NRXN1: variants seen among roughly 807,000 people sequenced by gnomAD.
NRXN1 encodes neurexin 1, also known as neurexin-1.
A neutral mutation model predicts 150.9 loss-of-function variants in NRXN1; 39 were observed. The observed-to-expected ratio is 0.26, with a 90% CI of 0.20 to 0.34. The LOEUF (loss-of-function observed/expected upper bound fraction) is 0.34. Ranked by LOEUF, NRXN1 falls within the 10% of genes least tolerant of loss-of-function variation. NRXN1 has a pLI of 1.00. For synonymous variants in NRXN1, 924 were observed against 757.0 expected, an observed-to-expected ratio of 1.22 and a Z score of -3.62; for missense variants, 1,815 against 1,949.9, an observed-to-expected ratio of 0.93 and a Z score of 1.30.
At chr2:50,219,522 A>G (rs2063649299) in intron 18 of NRXN1, among the ~76,000 whole-genome samples, 1 of 151,964 alleles carries the variant, frequency 6.6e-6, no homozygotes, top group African/African-American at 2.4e-5. Flanking sequence ...TGAGGTACTT[A>G]CATTTTTAGT....
chr2:50,382,189 C>G (rs754367901), intron 17 of NRXN1, among the ~76,000 whole-genome samples: 1 of 152,156 alleles, frequency 6.6e-6, no homozygotes, highest in Non-Finnish European at 1.5e-5. Context: ...ATCCTTATCA[C>G]TAGCATACAA....
chr2:50,197,207 T>G (rs1296234930), intron 18 of NRXN1, among the ~76,000 whole-genome samples: 1 of 152,170 alleles, frequency 6.6e-6, no homozygotes, highest in African/African-American at 2.4e-5. Context: ...TTGTTTTTTT[T>G]TAGATGCATA....
At chr2:50,819,627 T>C (rs1669429777) in intron 5 of NRXN1, among the ~76,000 whole-genome samples, 1 of 152,070 alleles carries the variant, frequency 6.6e-6, no homozygotes, top group African/African-American at 2.4e-5. Context: ...GTTCATATTA[T>C]TAACAATAGA....
intron 17 of NRXN1, among the ~76,000 whole-genome samples, chr2:50,407,945 A>C (rs1479439085): frequency 6.6e-6 from 1 of 152,148 alleles, no homozygotes; most frequent in African/African-American, 2.4e-5. Context: ...CTTCTCACTC[A>C]TACTATTTTA....
chr2:49,940,009 A>T (rs138316189), intron 22 of NRXN1, among the ~76,000 whole-genome samples: 1 of 152,264 alleles, frequency 6.6e-6, no homozygotes. Flanking sequence ...ACTCAAGATG[A>T]TGCTAGATTT....
In NRXN1 at chr2:50,531,239, T is replaced by A; in HGVS notation, c.2335A>T (p.Thr779Ser). ...LELDAGRVKLTVNLDCIRINC... is the reference protein window; with the variant it reads ...LELDAGRVKLSVNLDCIRINC... Reference sequence around the variant, plus strand: ...GGCAGGTTGTTACCTAGATTGACCGTCAGTTTCACACGTCCTGCGTCTAGC... The same window carrying A: ...GGCAGGTTGTTACCTAGATTGACCGACAGTTTCACACGTCCTGCGTCTAGC... The change falls in exon 11 of 23, where the codon ACG becomes TCG. Residue 779 changes from threonine (T) to serine (S), a missense_variant. By Grantham distance (58) the Thr-to-Ser change is moderately conservative. This residue lies in a region of NRXN1 where 638 missense variants were observed against 652.6 expected (regional missense o/e 0.98). Coordinates refer to ENST00000401669, the MANE Select transcript of NRXN1 (RefSeq NM_001330078.2). 6.2e-7 allele frequency: 1 copy of A among 1,612,860 alleles called. No homozygotes were observed. The highest frequency in any genetic ancestry group is 8.5e-7 in the Non-Finnish European group (1 of 1,179,468).
At chr2:50,471,350 T>C (rs1010685049) in intron 16 of NRXN1, among the ~76,000 whole-genome samples, 8 of 151,834 alleles carry the variant, frequency 5.3e-5, no homozygotes, top group Non-Finnish European at 1.0e-4. Context: ...GTGAGTAACA[T>C]GAAGCATTTG....
chr2:50,709,149 C>A (rs997719204), intron 5 of NRXN1, among the ~76,000 whole-genome samples: 1 of 152,114 alleles, frequency 6.6e-6, no homozygotes, highest in Non-Finnish European at 1.5e-5. Flanking sequence ...CAGGCAACCA[C>A]ATGAGCTTAC....
intron 8 of NRXN1, among the ~76,000 whole-genome samples, chr2:50,581,012 C>CT (rs1672182927): frequency 1.3e-5 from 2 of 151,858 alleles, no homozygotes; most frequent in South Asian, 4.1e-4. Context: ...TTAAAAAATA[C>CT]TTTTTTGGAG....
chr2:50,732,160 A>G (rs964254197), intron 5 of NRXN1, among the ~76,000 whole-genome samples: 1 of 152,200 alleles, frequency 6.6e-6, no homozygotes, highest in Admixed American at 6.5e-5. Flanking sequence ...ATTTTAAAAC[A>G]TAATTTGTTC....
At chr2:50,523,454 T>C (rs2092853012) in intron 12 of NRXN1, among the ~76,000 whole-genome samples, 1 of 152,134 alleles carries the variant, frequency 6.6e-6, no homozygotes. Context: ...AAACTGAATA[T>C]TTACTTTATG....
chr2:50,365,031 AG>A (rs2079491384), intron 17 of NRXN1, among the ~76,000 whole-genome samples: 1 of 152,128 alleles, frequency 6.6e-6, no homozygotes, highest in Non-Finnish European at 1.5e-5. Context: ...GGCTTTACAC[AG>A]CATGGCAAAA....
chr2:50,016,149 A>T (rs1316717216), intron 21 of NRXN1, among the ~76,000 whole-genome samples: 1 of 152,100 alleles, frequency 6.6e-6, no homozygotes, highest in Non-Finnish European at 1.5e-5. Context: ...AATTTAAAGG[A>T]CCAATGCAAC....
At chr2:50,502,239 GA>G (rs2091984503) in intron 13 of NRXN1, among the ~76,000 whole-genome samples, 1 of 151,960 alleles carries the variant, frequency 6.6e-6, no homozygotes, top group African/African-American at 2.4e-5. Flanking sequence ...AGGAAGGAAG[GA>G]AGGAAGGAGG....
At chr2:50,996,273 A>T (rs1315181416) in intron 2 of NRXN1, among the ~76,000 whole-genome samples, 1 of 152,058 alleles carries the variant, frequency 6.6e-6, no homozygotes, top group Non-Finnish European at 1.5e-5. Context: ...TATCATGCTT[A>T]AAGTATATTC....
At chr2:51,000,724 A>G (rs1362938866) in intron 2 of NRXN1, among the ~76,000 whole-genome samples, 1 of 151,982 alleles carries the variant, frequency 6.6e-6, no homozygotes, top group East Asian at 1.9e-4. Flanking sequence ...TTTTAATATT[A>G]CAAATGAAAT....
At chr2:50,190,281 T>TA (rs2061362594) in intron 18 of NRXN1, among the ~76,000 whole-genome samples, 1 of 152,202 alleles carries the variant, frequency 6.6e-6, no homozygotes, top group Non-Finnish European at 1.5e-5. Flanking sequence ...ATTTTTTTCT[T>TA]AAAGTGGAGG....
intron 22 of NRXN1, among the ~76,000 whole-genome samples, chr2:49,942,062 G>A (rs1306191118): frequency 2.6e-5 from 4 of 152,080 alleles, no homozygotes; most frequent in Non-Finnish European, 4.4e-5. Context: ...CTTAGTAAAG[G>A]GGCCTAGGAT....
intron 17 of NRXN1, among the ~76,000 whole-genome samples, chr2:50,258,484 G>C (rs1409131381): frequency 2.0e-5 from 3 of 151,976 alleles, no homozygotes; most frequent in African/African-American, 7.2e-5. Context: ...TTCACTCCTA[G>C]TTTTAGTTCT....
Sources: gnomAD v4.1 joint callset for allele counts (sites outside exome capture counted in the v4.1 genomes callset) on GRCh38, gnomAD v4.1.1 for gene constraint, gnomAD v4.1.1 regional missense constraint, MANE v1.5 for transcripts, NCBI Gene and HGNC (gene_info 2026-07-23, HGNC 2026-07-21) for gene names.